Variants in DLC1 observed in about 807,000 individuals in gnomAD.
The protein encoded by DLC1 is DLC1 Rho GTPase activating protein, also known as rho GTPase-activating protein 7.
A neutral mutation model predicts 140.3 loss-of-function variants in DLC1; 54 were observed. The ratio of observed to expected loss-of-function variants is 0.38; its 90% CI spans 0.31 to 0.48. The LOEUF (loss-of-function observed/expected upper bound fraction) is 0.48, where lower values mean the gene tolerates loss of function less well. Among genes scored for constraint, DLC1 ranks in the 20% least tolerant of loss-of-function variants. The pLI is 0.96. For missense variants in DLC1, 2,536 were observed against 1,907.0 expected, an observed-to-expected ratio of 1.33 and a Z score of -6.14; for synonymous variants, 986 against 728.1, an observed-to-expected ratio of 1.35 and a Z score of -5.70.
chr8:13,579,367 A>ATATTT (rs1804983036), intron 1 of DLC1, among the ~76,000 whole-genome samples: 4 of 52,320 alleles, frequency 7.6e-5, no homozygotes, highest in African/African-American at 3.1e-4. Context: ...ATATATTTTT[A>ATATTT]TATAATACAT....
intron 1 of DLC1, among the ~76,000 whole-genome samples, chr8:13,530,569 C>A (rs754922732): frequency 6.6e-6 from 1 of 152,086 alleles, no homozygotes; most frequent in African/African-American, 2.4e-5. Context: ...CACATGCCTG[C>A]GAGTCAAAAC....
At chr8:13,165,849 C>G (rs1472881833) in intron 5 of DLC1, among the ~76,000 whole-genome samples, 1 of 152,148 alleles carries the variant, frequency 6.6e-6, no homozygotes, top group Non-Finnish European at 1.5e-5. Context: ...CAAGCACAGA[C>G]CCATATATTG....
chr8:13,578,715 G>C (rs1321659306), intron 1 of DLC1, among the ~76,000 whole-genome samples: 2 of 152,142 alleles, frequency 1.3e-5, no homozygotes, highest in East Asian at 1.9e-4. Context: ...AACAGATGAA[G>C]AGATGCACAG....
At chr8:13,120,781 C>T (rs2128954964) in intron 5 of DLC1, among the ~76,000 whole-genome samples, 1 of 152,216 alleles carries the variant, frequency 6.6e-6, no homozygotes, top group South Asian at 2.1e-4. Context: ...ATGGATGAGT[C>T]CCGGACACCC....
rs1406261133 is a variant in DLC1, at chr8:13,095,639, C to T, written c.3168-394G>A. On this transcript the variant is annotated intron_variant, in intron 10 of 17. Transcript: ENST00000276297. ...TTAAGGAAGCTGATGGATTTCCTTA[C>T]AGAATGGCGGTATAGGAAGGAACAA... is the stretch of plus-strand genomic sequence containing the variant. 1.6e-5 allele frequency: 3 copies of T among 189,914 alleles called. 1 individual carries two copies. The highest frequency in any genetic ancestry group is 6.9e-5 in the African/African-American group (3 of 43,396). The allele number at this position is 189,914 out of a possible 1,614,324, so 11.8% of individuals were successfully genotyped here.
intron 5 of DLC1, among the ~76,000 whole-genome samples, chr8:13,295,730 C>T (rs1310074750): frequency 6.6e-6 from 1 of 152,080 alleles, no homozygotes; most frequent in Non-Finnish European, 1.5e-5. Flanking sequence ...GTTTTATACT[C>T]AGTGAGGTCA....
intron 5 of DLC1, among the ~76,000 whole-genome samples, chr8:13,172,512 G>C (rs1229597314): frequency 2.6e-5 from 4 of 152,268 alleles, no homozygotes; most frequent in African/African-American, 9.6e-5. Flanking sequence ...TTGGAACATA[G>C]CAACCCCTCA....
chr8:13,231,815 G>A (rs539859058), intron 5 of DLC1, among the ~76,000 whole-genome samples: 1 of 152,294 alleles, frequency 6.6e-6, no homozygotes, highest in East Asian at 1.9e-4. Context: ...TCTTTAAAAG[G>A]TCTCTGCAAA....
intron 4 of DLC1, among the ~76,000 whole-genome samples, chr8:13,355,397 A>C (rs1834889058): frequency 6.6e-6 from 1 of 152,212 alleles, no homozygotes; most frequent in African/African-American, 2.4e-5. Context: ...TGCCATGACA[A>C]AATAACAAGC....
At chr8:13,435,479 A>G (rs1258585117) in intron 2 of DLC1, among the ~76,000 whole-genome samples, 1 of 151,934 alleles carries the variant, frequency 6.6e-6, no homozygotes, top group Non-Finnish European at 1.5e-5. Context: ...ACACCTGACT[A>G]ATTTTTGTAT....
intron 2 of DLC1, among the ~76,000 whole-genome samples, chr8:13,402,388 A>G (rs367971786): frequency 6.6e-5 from 10 of 152,222 alleles, no homozygotes; most frequent in East Asian, 5.8e-4. Context: ...AGTCAAGTCA[A>G]TTAGTTCTAG....
chr8:13,223,005 A>G (rs57041727), intron 5 of DLC1, among the ~76,000 whole-genome samples: 12,780 of 152,168 alleles, frequency 0.084, 1,483 homozygotes, highest in African/African-American at 0.26. Context: ...CTCCCACCTC[A>G]GCCTCCCAAA....
chr8:13,131,046 G>T (rs13271632), intron 5 of DLC1, among the ~76,000 whole-genome samples: 1 of 152,050 alleles, frequency 6.6e-6, no homozygotes, highest in Non-Finnish European at 1.5e-5. Flanking sequence ...AATAACTTTT[G>T]TGCACACATC....
At chr8:13,399,549 C>T (rs1236891560) in intron 3 of DLC1, among the ~76,000 whole-genome samples, 1 of 152,104 alleles carries the variant, frequency 6.6e-6, no homozygotes, top group African/African-American at 2.4e-5. Flanking sequence ...ATCCCCTATC[C>T]CCATTCATCC....
At chr8:13,250,551 A>G (rs1829958909) in intron 5 of DLC1, among the ~76,000 whole-genome samples, 1 of 152,218 alleles carries the variant, frequency 6.6e-6, no homozygotes, top group African/African-American at 2.4e-5. Flanking sequence ...TATTATCACC[A>G]TAGTTTCATA....
intron 1 of DLC1, among the ~76,000 whole-genome samples, chr8:13,521,462 C>G (rs1802765242): frequency 6.6e-6 from 1 of 152,028 alleles, no homozygotes; most frequent in African/African-American, 2.4e-5. Context: ...CAGTCTTCAG[C>G]TTCTCTTATA....
intron 5 of DLC1, among the ~76,000 whole-genome samples, chr8:13,225,820 T>A (rs1481539063): frequency 1.3e-5 from 2 of 152,090 alleles, no homozygotes; most frequent in Non-Finnish European, 2.9e-5. Flanking sequence ...TTTCACCGTG[T>A]TAGTCAGGAT....
intron 5 of DLC1, among the ~76,000 whole-genome samples, chr8:13,211,733 G>T (rs7005024): frequency 0.02 from 3,065 of 152,212 alleles, 111 homozygotes; most frequent in African/African-American, 0.07. Flanking sequence ...AATTTCTTTT[G>T]CCTAGTTCCT....
chr8:13,310,740 A>G (rs940850470), intron 4 of DLC1, among the ~76,000 whole-genome samples: 16 of 152,224 alleles, frequency 1.1e-4, no homozygotes, highest in Non-Finnish European at 2.1e-4. Flanking sequence ...TTTATTGAAA[A>G]GCTGTGTCTG....
Sources: allele counts gnomAD v4.1 joint callset (sites outside exome capture counted in the v4.1 genomes callset), GRCh38; gene constraint gnomAD v4.1.1; transcripts MANE v1.5; gene names NCBI Gene and HGNC (gene_info 2026-07-23, HGNC 2026-07-21).